BLACAT1: variants seen among roughly 807,000 people sequenced by gnomAD.
The protein encoded by BLACAT1 is BLACAT1 overlapping LEMD1 locus.
chr1:205,438,420 C>T (rs756202177), downstream of BLACAT1, among the ~76,000 whole-genome samples: 61 of 152,314 alleles, frequency 4.0e-4, no homozygotes, highest in Middle Eastern at 3.4e-3. Flanking sequence ...AAGCCTGGCC[C>T]GAAGTCAGAG....
At chr1:205,454,529 T>A (rs1215255851) in intron 1 of BLACAT1, among the ~76,000 whole-genome samples, 4 of 141,112 alleles carry the variant, frequency 2.8e-5, no homozygotes, top group Non-Finnish European at 4.7e-5. Flanking sequence ...CTGGTGTGAG[T>A]GTGTGTGTGT....
chr1:205,452,745 T>C (rs527697810), intron 1 of BLACAT1, among the ~76,000 whole-genome samples: 2 of 152,306 alleles, frequency 1.3e-5, no homozygotes, highest in East Asian at 3.9e-4. Context: ...CCTTTGCCTA[T>C]GGTGGAAGGG....
At chr1:205,437,757 T>C (rs533908009), downstream of BLACAT1, 1 of 152,190 alleles carries the variant, frequency 6.6e-6, no homozygotes, top group Admixed American at 6.5e-5. Flanking sequence ...CCCCTATTTA[T>C]AGTTGAGGAA....
At chr1:205,453,656 G>A (rs779807232) in intron 1 of BLACAT1, among the ~76,000 whole-genome samples, 29 of 152,160 alleles carry the variant, frequency 1.9e-4, no homozygotes, top group Non-Finnish European at 3.5e-4. Flanking sequence ...AGGGGCAGGA[G>A]AGCAAACACG....
At chr1:205,442,460 T>C (rs909126415) in intron 1 of BLACAT1, among the ~76,000 whole-genome samples, 1 of 152,164 alleles carries the variant, frequency 6.6e-6, no homozygotes, top group Admixed American at 6.5e-5. Context: ...CTTGCCCTTT[T>C]GGAAAAACTT....
chr1:205,437,867 C>A (rs1383054464), downstream of BLACAT1: 4 of 152,182 alleles, frequency 2.6e-5, no homozygotes, highest in African/African-American at 9.7e-5. Flanking sequence ...CAGCTCAGTG[C>A]TCCTTGCATC....
At chr1:205,452,753 G>A (rs1312836502) in intron 1 of BLACAT1, among the ~76,000 whole-genome samples, 1 of 152,176 alleles carries the variant, frequency 6.6e-6, no homozygotes, top group East Asian at 1.9e-4. Context: ...TATGGTGGAA[G>A]GGAACCAGGA....
At position 205,448,162 on chromosome 1, in the gene BLACAT1, G is replaced by C; in HGVS notation, c.-36-7100C>G. 2.6e-6 allele frequency: 1 copy of C among 387,394 alleles called. No individual in the cohort carries two copies. Among genetic ancestry groups the C allele is most frequent in the South Asian group, 2.1e-5 (1 of 48,182 alleles). The allele number at this position is 387,394 out of a possible 1,614,324, so 24.0% of individuals were successfully genotyped here. On this transcript the variant is annotated intron_variant, in intron 1 of 1. Coordinates refer to ENST00000629624, the Ensembl canonical transcript of BLACAT1. This position sits in a 1 kb window ranked among gnomAD's most constrained non-coding sequence, Gnocchi z 4.7. ...AACAGGGCCAGAAGGGAAGTGACTG[G>C]GCCAAGGTCACACGGCTTAGCCCCG...
intron 1 of BLACAT1, among the ~76,000 whole-genome samples, chr1:205,442,890 T>C (rs1666319630): frequency 6.6e-6 from 1 of 152,180 alleles, no homozygotes; most frequent in African/African-American, 2.4e-5. Flanking sequence ...TGGGTTCTAT[T>C]CCTGGCTCTG....
At chr1:205,452,788 C>T (rs1304583308) in intron 1 of BLACAT1, among the ~76,000 whole-genome samples, 2 of 152,180 alleles carry the variant, frequency 1.3e-5, no homozygotes, top group East Asian at 1.9e-4. Flanking sequence ...TAAATAAAAG[C>T]CACTTGCTTT....
At chr1:205,454,506 G>A (rs940566915) in intron 1 of BLACAT1, among the ~76,000 whole-genome samples, 3 of 151,716 alleles carry the variant, frequency 2.0e-5, no homozygotes, top group African/African-American at 7.3e-5. Context: ...ATACTACTTG[G>A]AGGAAGTGTT....
At chr1:205,444,227 G>A (rs1464744567) in intron 1 of BLACAT1, among the ~76,000 whole-genome samples, 2 of 152,052 alleles carry the variant, frequency 1.3e-5, no homozygotes, top group African/African-American at 4.8e-5. Flanking sequence ...GGAGAGGCAG[G>A]GTGGACACTG....
intron 1 of BLACAT1, among the ~76,000 whole-genome samples, chr1:205,446,373 C>T (rs1214865032): frequency 1.3e-5 from 2 of 152,218 alleles, no homozygotes; most frequent in Non-Finnish European, 2.9e-5. Flanking sequence ...CAACTTACCT[C>T]TTTTACCCCA....
exon 2 of BLACAT1, among the ~76,000 whole-genome samples, chr1:205,440,138 T>C (rs1180970913): frequency 6.6e-6 from 1 of 151,750 alleles, no homozygotes; most frequent in Non-Finnish European, 1.5e-5. Flanking sequence ...AGGAAAGGGG[T>C]CCCTCAGTCT....
At position 205,448,699 on chromosome 1, in the gene BLACAT1, C is replaced by A. The variant is rs926261944; in HGVS notation, c.-37+7218G>T. Among the ~76,000 whole-genome samples, 1 of 152,136 alleles carries A rather than the reference C, an allele frequency of 6.6e-6. No homozygotes were observed. Among genetic ancestry groups the A allele is most frequent in the Non-Finnish European group, 1.5e-5 (1 of 68,032 alleles). On this transcript the variant is annotated intron_variant, in intron 1 of 1. Coordinates refer to ENST00000629624, the Ensembl canonical transcript of BLACAT1. The surrounding 1 kb of genome is among the most constrained non-coding windows in gnomAD (Gnocchi z 4.7). ...TCAAATTCCCTTAATTAGCTTCCAG[C>A]CCCCTGCCCAGGGTCCTTAACTACC... is the stretch of plus-strand genomic sequence containing the variant.
At chr1:205,439,179 T>C (rs1214706489), downstream of BLACAT1, among the ~76,000 whole-genome samples, 3 of 152,206 alleles carry the variant, frequency 2.0e-5, no homozygotes, top group Non-Finnish European at 4.4e-5. Context: ...GCCTCTACTA[T>C]CCAAGAGGAC....
downstream of BLACAT1, among the ~76,000 whole-genome samples, chr1:205,438,700 C>T (rs891544161): frequency 6.6e-6 from 1 of 152,124 alleles, no homozygotes; most frequent in East Asian, 1.9e-4. Flanking sequence ...AAGGGGCTGC[C>T]GGCTTGGAGG....
downstream of BLACAT1, chr1:205,437,560 C>G (rs1666229777): frequency 6.6e-6 from 1 of 152,296 alleles, no homozygotes; most frequent in South Asian, 2.1e-4. Context: ...CCTCTCACTT[C>G]TCAGAGCCAC....
At position 205,449,138 on chromosome 1, in the gene BLACAT1, G is replaced by A. The variant is rs374166357; in HGVS notation, c.-37+6779C>T. On this transcript the variant is annotated intron_variant, in intron 1 of 1. Coordinates refer to ENST00000629624, the Ensembl canonical transcript of BLACAT1. ...CCTGACAAGGCTGTGGGAGGGGTGC[G>A]CAGTGCCCTGCCGCTCTCATTGGCA... Among the ~76,000 whole-genome samples, 546 of 152,312 alleles carry A rather than the reference G, an allele frequency of 3.6e-3. 4 individuals carry two copies. Among genetic ancestry groups the A allele is most frequent in the African/African-American group, 8.7e-3 (362 of 41,560 alleles).
Sources: gnomAD v4.1 joint callset for allele counts (sites outside exome capture counted in the v4.1 genomes callset) on GRCh38, gnomAD v4.1.1 for gene constraint, Gnocchi (gnomAD v3.1) non-coding constraint, MANE v1.5 for transcripts, NCBI Gene and HGNC (gene_info 2026-07-23, HGNC 2026-07-21) for gene names.